The following CLCNKB variants were observed in gnomAD, a reference collection of about 807,000 sequenced individuals.
CLCNKB encodes the protein chloride voltage-gated channel Kb.
CLCNKB carries 74 observed loss-of-function variants against 83.8 expected under a neutral mutation model. The observed-to-expected ratio is 0.88, with a 90% CI of 0.73 to 1.07. The LOEUF is 1.07. Among genes scored for constraint, CLCNKB ranks in the 50% least tolerant of loss-of-function variants. The pLI, the probability that CLCNKB is intolerant of heterozygous loss-of-function variation, is 0.00. For missense variants in CLCNKB, 798 were observed against 893.6 expected, an observed-to-expected ratio of 0.89 and a Z score of 1.36; for synonymous variants, 358 against 356.6, an observed-to-expected ratio of 1.00 and a Z score of -0.04.
chr1:16,047,786 A>G, intron 4 of CLCNKB, 119 bp from the exon 5 acceptor site: 1 of 1,194,322 alleles, frequency 8.4e-7, no homozygotes, highest in Non-Finnish European at 1.2e-6. Flanking sequence ...AAATAATCCT[A>G]ACTTCAGAGG....
intron 3 of CLCNKB, among the ~76,000 whole-genome samples, chr1:16,046,113 G>T (rs370639576): frequency 6.6e-6 from 1 of 152,204 alleles, no homozygotes; most frequent in Admixed American, 6.5e-5. Context: ...GGGCAGGAAG[G>T]GTCTAAGACA....
chr1:16,051,845 G>A (rs201432447), intron 14 of CLCNKB, 25 bp downstream of exon 14: 40 of 1,570,174 alleles, frequency 2.5e-5, no homozygotes, highest in South Asian at 1.1e-4. Flanking sequence ...GGCCTGCTGC[G>A]TGGGCAATGT....
At chr1:16,047,843 A>C in intron 4 of CLCNKB, 62 bp from the exon 5 acceptor site, 4 of 1,535,846 alleles carry the variant, frequency 2.6e-6, no homozygotes, top group Non-Finnish European at 2.7e-6. Context: ...TCACACAGGT[A>C]GAGTGTTGAG....
chr1:16,051,728 T>C lies in CLCNKB; in HGVS notation c.1316T>C (p.Leu439Pro), dbSNP rs139909733. 2.8e-5 allele frequency: 45 copies of C among 1,613,774 alleles called. No homozygotes were observed. The highest frequency in any genetic ancestry group is 3.4e-5 in the Non-Finnish European group (40 of 1,179,948). The change falls in exon 14 of 20, where the codon CTC becomes CCC. Residue 439 changes from leucine (L) to proline (P), a missense_variant. Transcript: ENST00000375679. ...TGGCCAGGAGCTGCTATCGGGCGCC[T>C]CTTTGGGGAGACTCTCTCTTTTATC... ...IFVYGAAIGR[L>P]FGETLSFIFP...
chr1:16,052,194 G>T lies in CLCNKB; in HGVS notation c.1409-4G>T, dbSNP rs1425296514. On this transcript the variant is annotated splice_region_variant and splice_polypyrimidine_tract_variant and intron_variant, in intron 14 of 19. Coordinates refer to ENST00000375679, the MANE Select transcript of CLCNKB (RefSeq NM_000085.5). Reference sequence around the variant, plus strand: ...AGCTGCCCTGCCTGACTCTGCCCTTGCAGGGGCTGCAGCCTTCTCAGGGGC... The same window carrying T: ...AGCTGCCCTGCCTGACTCTGCCCTTTCAGGGGCTGCAGCCTTCTCAGGGGC... 13 of 1,612,738 alleles carry T rather than the reference G, an allele frequency of 8.1e-6. No homozygotes were observed. The South Asian group carries it at 1.3e-4, about 16-fold the overall frequency.
At position 16,043,932 on chromosome 1, in the gene CLCNKB, CGGGG is replaced by C. The variant is rs140434107; in HGVS notation, c.-8+62_-8+65del. On this transcript the variant is annotated intron_variant, in intron 1 of 19. Transcript: ENST00000375679. ...GCCTGCCAGGGCCAGACAGGCAGGG[CGGGG>C]GGGGGGGGGTGGTAAGGGCAGGAGC... 1.9e-3 allele frequency: 193 copies of C among 100,270 alleles called. 1 individual carries two copies. The East Asian group carries it at 0.023, about 12-fold the overall frequency. The allele number at this position is 100,270 out of a possible 1,614,324, so 6.2% of individuals were successfully genotyped here.
intron 15 of CLCNKB, 140 bp downstream of exon 15, chr1:16,052,551 C>T: frequency 3.3e-6 from 4 of 1,198,272 alleles, no homozygotes; most frequent in South Asian, 2.6e-5. Context: ...CTCTGTTCTC[C>T]ACTCTCCCCA....
At chr1:16,050,024 C>T (rs145464420) in intron 10 of CLCNKB, 108 bp downstream of exon 10, 1 of 191,018 alleles carries the variant, frequency 5.2e-6, no homozygotes, top group African/African-American at 3.6e-5. Context: ...TAAAGCCCAT[C>T]CTAGCCCATG....
At position 16,048,004 on chromosome 1, in the gene CLCNKB, G is replaced by T. The variant is rs765679366; in HGVS notation, c.458G>T (p.Cys153Phe). 5.0e-6 allele frequency: 8 copies of T among 1,614,072 alleles called. No homozygotes were observed. In the Admixed American group the frequency reaches 6.7e-5, roughly 13 times the overall value. Residue 153 changes from cysteine (C) to phenylalanine (F), a missense_variant, in exon 5 of 20, where the codon TGC becomes TTC. Coordinates refer to ENST00000375679, the MANE Select transcript of CLCNKB (RefSeq NM_000085.5). ...GGGGCCAAAGTGGTGGGCCTCTCCT[G>T]CACCCTGGCCTGTGGCAGCACCCTC... Reference protein sequence around the residue: ...NFGAKVVGLSCTLACGSTLFL... With the variant: ...NFGAKVVGLSFTLACGSTLFL...
Position 16,051,750 on chromosome 1 carries a change from T to C in CLCNKB, c.1338T>C (p.Phe446=). The C allele has an allele frequency of 1.2e-6, 2 of 1,613,900 alleles. No individual in the cohort carries two copies. The highest frequency in any genetic ancestry group is 1.7e-6 in the Non-Finnish European group (2 of 1,179,940). The change falls in exon 14 of 20, where the codon TTT becomes TTC. Residue 446 remains phenylalanine, a synonymous_variant. Coordinates refer to ENST00000375679, the MANE Select transcript of CLCNKB (RefSeq NM_000085.5). ...IGRLFGETLS[F]IFPEGIVAGG... is the part of the protein sequence containing the mutation. ...GCCTCTTTGGGGAGACTCTCTCTTT[T>C]ATCTTCCCTGAGGGCATCGTGGCTG... is the stretch of plus-strand genomic sequence containing the variant.
Position 16,046,672 on chromosome 1 carries a change from AC to A in CLCNKB, c.358+10del. 6.2e-7 allele frequency: 1 copy of A among 1,611,858 alleles called. No homozygotes were observed. Among genetic ancestry groups the A allele is most frequent in the African/African-American group, 1.3e-5 (1 of 74,684 alleles). ...CACACCCTCCTCTGGAGGTGAGTCC[AC>A]AGTCGCTACGCCAGTCCCCACTGGC... On this transcript the variant is annotated intron_variant, in intron 4 of 19. Transcript: ENST00000375679.
At chr1:16,048,459 G>C (rs745501222) in intron 6 of CLCNKB, 39 bp downstream of exon 6, 1 of 1,613,438 alleles carries the variant, frequency 6.2e-7, no homozygotes, top group South Asian at 1.1e-5. Context: ...AATGGGAGTG[G>C]GGAGGGAGGG....
At chr1:16,044,705 C>T in intron 2 of CLCNKB, 113 bp downstream of exon 2, 1 of 893,122 alleles carries the variant, frequency 1.1e-6, no homozygotes, top group East Asian at 2.7e-5. Flanking sequence ...GGCATTTGTC[C>T]AGGACATGAC....
Position 16,052,289 on chromosome 1 carries a change from C to G in CLCNKB, c.1500C>G (p.Pro500=), listed in dbSNP as rs779635426. The G allele has an allele frequency of 1.1e-5, 17 of 1,613,222 alleles. No homozygotes were observed. Among genetic ancestry groups the G allele is most frequent in the Non-Finnish European group, 1.3e-5 (15 of 1,180,040 alleles). The change falls in exon 15 of 20, where the codon CCC becomes CCG. Residue 500 remains proline (P), a synonymous_variant. Coordinates refer to ENST00000375679, the MANE Select transcript of CLCNKB (RefSeq NM_000085.5). ...EVTGQIVHAL[P]VLMAVLAANA... is the part of the protein sequence containing the mutation. ...CCGGCCAGATAGTGCATGCACTGCC[C>G]GTGCTGATGGCGGTGCTGGCAGCCA...
chr1:16,048,658 T>C (rs2023179276), intron 7 of CLCNKB, 76 bp downstream of exon 7: 3 of 1,596,472 alleles, frequency 1.9e-6, no homozygotes, highest in Admixed American at 3.4e-5. Context: ...TCGGCCCAGC[T>C]GAGAGCCTGG....
At chr1:16,051,397 C>A in intron 12 of CLCNKB, 81 bp from the exon 13 acceptor site, 1 of 1,514,554 alleles carries the variant, frequency 6.6e-7, no homozygotes, top group East Asian at 2.3e-5. Context: ...AGGACACTCC[C>A]CTGTCCCATG....
intron 8 of CLCNKB, 146 bp downstream of exon 8, chr1:16,049,391 G>C: frequency 6.6e-7 from 1 of 1,520,794 alleles, no homozygotes; most frequent in Non-Finnish European, 8.8e-7. Flanking sequence ...CCTTCTGGGA[G>C]GATGGAGGGG....
chr1:16,052,760 C>T (rs2023335149), intron 15 of CLCNKB, among the ~76,000 whole-genome samples: 1 of 152,190 alleles, frequency 6.6e-6, no homozygotes, highest in African/African-American at 2.4e-5. Flanking sequence ...CCCCTCTCCC[C>T]ACTCCTGCTG....
intron 9 of CLCNKB, 40 bp from the exon 10 acceptor site, chr1:16,049,775 C>A: frequency 1.9e-6 from 3 of 1,613,554 alleles, no homozygotes; most frequent in East Asian, 2.2e-5. Context: ...GCCCCTGGTA[C>A]TGGGGTCGGG....
Sources: gnomAD v4.1 joint callset for allele counts (sites outside exome capture counted in the v4.1 genomes callset) on GRCh38, gnomAD v4.1.1 for gene constraint, MANE v1.5 for transcripts, NCBI Gene and HGNC (gene_info 2026-07-23, HGNC 2026-07-21) for gene names.